KPNA4: variants seen among roughly 807,000 people sequenced by gnomAD.
KPNA4 encodes importin subunit alpha-3.
In KPNA4, 13 loss-of-function variants were observed where a neutral mutation model predicts 71.3. That is an observed-to-expected ratio of 0.18 (90% CI 0.12 to 0.29). The LOEUF (loss-of-function observed/expected upper bound fraction) is 0.29, where lower values mean the gene tolerates loss of function less well. KPNA4 is among the 10% of genes least tolerant of loss of function. KPNA4 has a pLI of 1.00. For missense variants in KPNA4, 334 were observed against 603.2 expected (o/e 0.55, Z 4.67); for synonymous variants, 189 against 195.2 (o/e 0.97, Z 0.26).
chr3:160,521,008 GT>G (rs1345567041), intron 11 of KPNA4, among the ~76,000 whole-genome samples: 4 of 152,130 alleles, frequency 2.6e-5, no homozygotes, highest in Admixed American at 6.5e-5. Context: ...TAAATATTAT[GT>G]GAAAGAATTT....
intron 1 of KPNA4, among the ~76,000 whole-genome samples, chr3:160,559,118 C>T (rs77844864): frequency 2.6e-5 from 4 of 152,188 alleles, no homozygotes; most frequent in Admixed American, 1.3e-4. Context: ...CTTGAAAAAA[C>T]GACTGACAGA....
At chr3:160,542,047 T>G (rs1364344486) in intron 1 of KPNA4, among the ~76,000 whole-genome samples, 1 of 152,124 alleles carries the variant, frequency 6.6e-6, no homozygotes, top group African/African-American at 2.4e-5. Context: ...GGCAATCCAT[T>G]TAGAGAAAGG....
intron 2 of KPNA4, 23 bp from the exon 3 acceptor site, chr3:160,535,920 A>AC (rs1721682262): frequency 9.1e-7 from 1 of 1,100,786 alleles, no homozygotes. Flanking sequence ...AAAAAAAAAA[A>AC]AAAAACCAAA....
intron 1 of KPNA4, among the ~76,000 whole-genome samples, chr3:160,537,615 G>A (rs375691827): frequency 2.0e-5 from 3 of 147,994 alleles, no homozygotes; most frequent in Admixed American, 6.9e-5. Context: ...ATTACGTAGC[G>A]GTAACAACTC....
At chr3:160,518,357 G>C (rs2108547484) in intron 11 of KPNA4, among the ~76,000 whole-genome samples, 1 of 149,798 alleles carries the variant, frequency 6.7e-6, no homozygotes, top group African/African-American at 2.4e-5. Flanking sequence ...GGATGGTCTC[G>C]ATCTCCTGAC....
At chr3:160,562,018 T>C (rs992528083) in intron 1 of KPNA4, among the ~76,000 whole-genome samples, 10 of 152,134 alleles carry the variant, frequency 6.6e-5, no homozygotes, top group Non-Finnish European at 1.2e-4. Flanking sequence ...TACACAAAGT[T>C]AGAGATCAAA....
chr3:160,563,240 C>T (rs949555173), intron 1 of KPNA4, among the ~76,000 whole-genome samples: 3 of 152,122 alleles, frequency 2.0e-5, no homozygotes, highest in East Asian at 3.8e-4. Context: ...TGTTACAACA[C>T]GGATAAACCT....
intron 1 of KPNA4, among the ~76,000 whole-genome samples, chr3:160,553,744 T>C (rs1722084823): frequency 6.6e-6 from 1 of 152,208 alleles, no homozygotes; most frequent in Non-Finnish European, 1.5e-5. Flanking sequence ...ACGAAAGAGA[T>C]GCAATCCTAG....
intron 11 of KPNA4, among the ~76,000 whole-genome samples, chr3:160,518,386 C>T (rs1165938457): frequency 2.0e-5 from 3 of 150,946 alleles, no homozygotes; most frequent in East Asian, 4.0e-4. Flanking sequence ...CCGCCCGCCT[C>T]GGCCTCCCAA....
At chr3:160,503,077 C>T (rs978273674) in intron 16 of KPNA4, among the ~76,000 whole-genome samples, 10 of 152,060 alleles carry the variant, frequency 6.6e-5, no homozygotes, top group Admixed American at 4.6e-4. Context: ...TGCCACTGTA[C>T]TCCAGCCTGG....
In KPNA4 at chr3:160,499,258, G is replaced by C. The variant is rs1720831146; in HGVS notation, c.*2846C>G. 6.6e-6 allele frequency: 1 copy of C among 151,938 alleles called. No homozygotes were observed. Among genetic ancestry groups the C allele is most frequent in the Non-Finnish European group, 1.5e-5 (1 of 67,972 alleles). 9.4% of individuals were successfully genotyped at this position (151,938 alleles called of 1,614,324 possible). A position where few individuals can be genotyped will look rare whatever the true frequency, so the allele number is the denominator to read the frequency against. On this transcript the variant is annotated 3_prime_UTR_variant, in exon 17 of 17. Transcript: ENST00000334256. ...TACTGAAGTCTTTGAAAATTACAAA[G>C]GAAATATATTTAAAGATAGATTTTA...
chr3:160,532,892 C>G (rs116633894), intron 5 of KPNA4, among the ~76,000 whole-genome samples: 2,531 of 152,246 alleles, frequency 0.017, 56 homozygotes, highest in African/African-American at 0.046. Context: ...TATCCTAAAC[C>G]CCTCACTTGA....
chr3:160,545,137 T>C (rs1721879525), intron 1 of KPNA4, among the ~76,000 whole-genome samples: 1 of 152,246 alleles, frequency 6.6e-6, no homozygotes, highest in Non-Finnish European at 1.5e-5. Context: ...AAGCTATTTT[T>C]CCTTCTCTTT....
Position 160,514,193 on chromosome 3 carries a change from G to C in KPNA4, c.1033-12C>G. 6.4e-7 allele frequency: 1 copy of C among 1,566,206 alleles called. No individual in the cohort carries two copies. The highest frequency in any genetic ancestry group is 2.3e-5 in the East Asian group (1 of 43,460). On this transcript the variant is annotated splice_polypyrimidine_tract_variant and intron_variant, in intron 12 of 16. Transcript: ENST00000334256. ...AACCACACTGCTTCCTGTAGAACAAGAGCATTTGAATATTTCTCATTAAAA... is the reference window on the plus strand; with the variant it reads ...AACCACACTGCTTCCTGTAGAACAACAGCATTTGAATATTTCTCATTAAAA...
At chr3:160,528,105 T>C in intron 7 of KPNA4, 66 bp from the exon 8 acceptor site, 1 of 1,267,374 alleles carries the variant, frequency 7.9e-7, no homozygotes, top group Non-Finnish European at 1.1e-6. Flanking sequence ...CAATCTTTAT[T>C]TTTTTGCTGA....
At chr3:160,546,057 A>G (rs1350110715) in intron 1 of KPNA4, among the ~76,000 whole-genome samples, 2 of 152,216 alleles carry the variant, frequency 1.3e-5, no homozygotes, top group Non-Finnish European at 2.9e-5. Flanking sequence ...TCTTGAGTTC[A>G]AGAAAGAGGC....
In KPNA4 at chr3:160,501,874, T is replaced by C. The variant is rs1193359132; in HGVS notation, c.*230A>G. The C allele has an allele frequency of 5.0e-6, 1 of 199,388 alleles. No homozygotes were observed. Among genetic ancestry groups the C allele is most frequent in the African/African-American group, 2.3e-5 (1 of 42,920 alleles). The allele number at this position is 199,388 out of a possible 1,614,324, so 12.4% of individuals were successfully genotyped here. A position where few individuals can be genotyped will look rare whatever the true frequency, so the allele number is the denominator to read the frequency against. ...TAAAGTTTTCATTACATTTTGCCAC[T>C]CATTCTCACTCGCACCCACTCGCCA... On this transcript the variant is annotated 3_prime_UTR_variant, in exon 17 of 17. Coordinates refer to ENST00000334256, the MANE Select transcript of KPNA4 (RefSeq NM_002268.5).
chr3:160,558,751 C>CT (rs79683816), intron 1 of KPNA4, among the ~76,000 whole-genome samples: 2 of 151,780 alleles, frequency 1.3e-5, no homozygotes, highest in South Asian at 2.1e-4. Context: ...AATACTAATA[C>CT]TTTTTTTAAA....
rs1721671571 is a variant in KPNA4 at position 160,535,538 on chromosome 3, G to T, written c.262C>A (p.Gln88Lys). The change falls in exon 5 of 17, where the codon CAA becomes AAA. Residue 88 changes from glutamine (Q) to lysine (K), a missense_variant. By Grantham distance (53) the Gln-to-Lys change is moderately conservative. Transcript: ENST00000334256. ...CTAGCAGCTTGAACTGCACTTAATTGAATTCCTTGGTTATCACTTGAAGCA... is the reference window on the plus strand; with the variant it reads ...CTAGCAGCTTGAACTGCACTTAATTTAATTCCTTGGTTATCACTTGAAGCA... The part of the protein sequence containing the change: ...QNASSDNQGI[Q>K]LSAVQAARKL... 6.2e-7 allele frequency: 1 copy of T among 1,601,490 alleles called. No individual in the cohort carries two copies. The highest frequency in any genetic ancestry group is 1.1e-5 in the South Asian group (1 of 87,960).
Sources: gnomAD v4.1 joint callset for allele counts (sites outside exome capture counted in the v4.1 genomes callset) on GRCh38, gnomAD v4.1.1 for gene constraint, MANE v1.5 for transcripts, NCBI Gene and HGNC (gene_info 2026-07-23, HGNC 2026-07-21) for gene names.